Variants in SLC8A1 observed in about 807,000 individuals in gnomAD.
The protein encoded by SLC8A1 is solute carrier family 8 member A1, also known as sodium/calcium exchanger 1.
In SLC8A1, 18 loss-of-function variants were observed where a neutral mutation model predicts 68.3. The ratio of observed to expected loss-of-function variants is 0.26; its 90% CI spans 0.18 to 0.39. The LOEUF is 0.39. Ranked by LOEUF, SLC8A1 falls within the 10% of genes least tolerant of loss-of-function variation. SLC8A1 has a pLI of 1.00. For synonymous variants in SLC8A1, 475 were observed against 415.5 expected (o/e 1.14, Z -1.74); for missense variants, 985 against 1,156.7 (o/e 0.85, Z 2.15).
At chr2:40,430,107 C>G (rs1559654976) in exon 2 of SLC8A1, 2 of 1,613,758 alleles carry the variant, frequency 1.2e-6, no homozygotes, top group African/African-American at 1.3e-5. Flanking sequence ...GCAAAATCAC[C>G]CCTTTCTTAC....
chr2:40,481,649 G>A lies in SLC8A1; in HGVS notation c.-25+30700C>T, dbSNP rs1410657546. On this transcript the variant is annotated intron_variant, in intron 1 of 7. Transcript: ENST00000402441. Reference sequence around the variant, plus strand: ...CTCTACCACTAGGCTTGTGAGTAGGGGGAGAAAGTGGAATCATAATTTTTT... The same window carrying A: ...CTCTACCACTAGGCTTGTGAGTAGGAGGAGAAAGTGGAATCATAATTTTTT... 5.3e-5 allele frequency among the ~76,000 whole-genome samples: 8 copies of A among 152,252 alleles called. 1 individual carries two copies. The highest frequency in any genetic ancestry group is 1.9e-4 in the African/African-American group (8 of 41,528).
chr2:40,189,197 C>T (rs549559824), intron 2 of SLC8A1, among the ~76,000 whole-genome samples: 3 of 152,244 alleles, frequency 2.0e-5, no homozygotes, highest in African/African-American at 7.2e-5. Flanking sequence ...TATGAAACAT[C>T]ATAAATTGCC....
chr2:40,488,703 G>A (rs998097303), intron 1 of SLC8A1, among the ~76,000 whole-genome samples: 1 of 152,002 alleles, frequency 6.6e-6, no homozygotes, highest in Non-Finnish European at 1.5e-5. Flanking sequence ...GATTTTAAAG[G>A]TTATTTAAAT....
intron 2 of SLC8A1, among the ~76,000 whole-genome samples, chr2:40,248,597 A>G (rs541736799): frequency 1.3e-5 from 2 of 152,310 alleles, no homozygotes; most frequent in South Asian, 2.1e-4. Flanking sequence ...GTTCTTTGTT[A>G]TAGCAGTCCA....
chr2:40,341,423 A>G (rs1464410723), intron 2 of SLC8A1, among the ~76,000 whole-genome samples: 2 of 152,220 alleles, frequency 1.3e-5, no homozygotes, highest in Non-Finnish European at 2.9e-5. Flanking sequence ...ACTATTGTGG[A>G]GTCTAAATCA....
chr2:40,500,471 G>A (rs1362856003), intron 1 of SLC8A1, among the ~76,000 whole-genome samples: 4 of 152,040 alleles, frequency 2.6e-5, no homozygotes, highest in African/African-American at 9.7e-5. Flanking sequence ...ATTTATCTGA[G>A]TTTAACCCGT....
At chr2:40,210,517 A>G (rs1478479557) in intron 2 of SLC8A1, among the ~76,000 whole-genome samples, 1 of 152,216 alleles carries the variant, frequency 6.6e-6, no homozygotes, top group Non-Finnish European at 1.5e-5. Context: ...GATAATTAAG[A>G]AAGTGTTAGT....
intron 2 of SLC8A1, among the ~76,000 whole-genome samples, chr2:40,186,777 G>A (rs1202784273): frequency 1.3e-5 from 2 of 152,132 alleles, no homozygotes; most frequent in Non-Finnish European, 2.9e-5. Context: ...AAACATCAAT[G>A]TTGTAAATCT....
Position 40,200,179 on chromosome 2 carries a change from T to TAA in SLC8A1, c.1809-22325_1809-22324insTT, listed in dbSNP as rs1242419589. On this transcript the variant is annotated intron_variant, in intron 2 of 7. Coordinates refer to ENST00000406785, the Ensembl canonical transcript of SLC8A1. Reference sequence around the variant, plus strand: ...TAGAGGATTTCAAGTCATTGATATATATATATATATATTTATATATATATA... The same window carrying TAA: ...TAGAGGATTTCAAGTCATTGATATATAAATATATATATATTTATATATATATA... Among the ~76,000 whole-genome samples the TAA allele has an allele frequency of 1.8e-3, 25 of 14,234 alleles. 1 individual carries two copies. The highest frequency in any genetic ancestry group is 4.0e-3 in the Admixed American group (4 of 988). The allele number at this position is 14,234 out of a possible 152,430, so 9.3% of individuals were successfully genotyped here.
At chr2:40,201,128 G>T (rs962557614) in intron 2 of SLC8A1, among the ~76,000 whole-genome samples, 7 of 151,056 alleles carry the variant, frequency 4.6e-5, no homozygotes, top group East Asian at 1.9e-4. Flanking sequence ...AAAAAGAAAA[G>T]AAAAAAGTTA....
intron 2 of SLC8A1, among the ~76,000 whole-genome samples, chr2:40,181,732 A>G (rs1386051116): frequency 6.6e-6 from 1 of 152,212 alleles, no homozygotes; most frequent in East Asian, 1.9e-4. Context: ...GGCACTGGTA[A>G]TGTTCACCTT....
At chr2:40,461,340 T>C (rs997424283) in intron 1 of SLC8A1, among the ~76,000 whole-genome samples, 1 of 152,174 alleles carries the variant, frequency 6.6e-6, no homozygotes, top group African/African-American at 2.4e-5. Flanking sequence ...TTTATTATTG[T>C]GCCTAACTTC....
chr2:40,219,258 G>A (rs1016191202), intron 2 of SLC8A1, among the ~76,000 whole-genome samples: 14 of 152,192 alleles, frequency 9.2e-5, no homozygotes, highest in Non-Finnish European at 2.9e-5. Flanking sequence ...GAGAAGCACA[G>A]CTCTTGTTTG....
chr2:40,253,315 T>TAC (rs1296463413), intron 2 of SLC8A1, among the ~76,000 whole-genome samples: 42 of 151,264 alleles, frequency 2.8e-4, no homozygotes, highest in Admixed American at 1.1e-3. Context: ...TACACATATA[T>TAC]ACACACACAT....
intron 1 of SLC8A1, 134 bp from the exon 2 acceptor site, chr2:40,430,438 T>C: frequency 2.5e-6 from 2 of 811,892 alleles, no homozygotes; most frequent in Non-Finnish European, 3.7e-6. Context: ...AAAACCGAAA[T>C]TTGTTTATAT....
At chr2:40,274,551 A>C (rs2066463301) in intron 2 of SLC8A1, among the ~76,000 whole-genome samples, 1 of 152,148 alleles carries the variant, frequency 6.6e-6, no homozygotes, top group African/African-American at 2.4e-5. Flanking sequence ...ATTTGCTCTA[A>C]ATGCTCATTA....
At chr2:40,429,239 A>C (rs1697681982) in exon 2 of SLC8A1, 1 of 1,613,716 alleles carries the variant, frequency 6.2e-7, no homozygotes, top group Non-Finnish European at 8.5e-7. Flanking sequence ...TAGTTAGCTA[A>C]TTCTATTAAT....
chr2:40,155,365 G>A (rs1410919094), intron 6 of SLC8A1, among the ~76,000 whole-genome samples: 3 of 152,158 alleles, frequency 2.0e-5, no homozygotes, highest in East Asian at 1.9e-4. Context: ...TCCTGACCTC[G>A]TGATCCACCT....
chr2:40,396,894 A>G (rs1354870490), intron 2 of SLC8A1, among the ~76,000 whole-genome samples: 2 of 151,952 alleles, frequency 1.3e-5, no homozygotes, highest in African/African-American at 4.8e-5. Context: ...GTCCACAGGG[A>G]TCCACTGTTC....
Sources: gnomAD v4.1 joint callset for allele counts (sites outside exome capture counted in the v4.1 genomes callset) on GRCh38, gnomAD v4.1.1 for gene constraint, MANE v1.5 for transcripts, NCBI Gene and HGNC (gene_info 2026-07-23, HGNC 2026-07-21) for gene names.